ANKHD1: variants seen among roughly 807,000 people sequenced by gnomAD.
ANKHD1 encodes the protein ankyrin repeat and KH domain containing 1.
ANKHD1 carries 31 observed loss-of-function variants against 230.5 expected under a neutral mutation model. That is an observed-to-expected ratio of 0.13 (90% CI 0.10 to 0.18). The LOEUF (loss-of-function observed/expected upper bound fraction) is 0.18. Among genes scored for constraint, ANKHD1 ranks in the 10% least tolerant of loss-of-function variants. The pLI is 1.00. For synonymous variants in ANKHD1, 1,074 were observed against 1,117.6 expected (o/e 0.96, Z 0.78); for missense variants, 2,256 against 3,071.3 (o/e 0.73, Z 6.27).
intron 10 of ANKHD1, among the ~76,000 whole-genome samples, chr5:140,467,119 G>A (rs1050857133): frequency 1.3e-5 from 2 of 151,774 alleles, no homozygotes; most frequent in African/African-American, 4.8e-5. Flanking sequence ...GTGTTCTTGT[G>A]TTCTATCATA....
Position 140,459,275 on chromosome 5 carries a change from T to G in ANKHD1, c.1592T>G (p.Ile531Arg), listed in dbSNP as rs148310046. ...ADFLIKAGAD[I>R]ELGCSTPLME... is the part of the protein sequence containing the mutation. ...TTTCTTATTAAGGCAGGGGCTGATA[T>G]AGAACTTGGCTGCTCCACACCTCTG... The change falls in exon 9 of 34, where the codon ATA (isoleucine) becomes AGA (arginine). Residue 531 changes from isoleucine to arginine, a missense_variant. This residue lies in a region of ANKHD1 where 179 missense variants were observed against 261.8 expected (regional missense o/e 0.68). Coordinates refer to ENST00000360839, the MANE Select transcript of ANKHD1 (RefSeq NM_017747.3). 3 of 1,603,354 alleles carry G rather than the reference T, an allele frequency of 1.9e-6. No homozygotes were observed. The highest frequency in any genetic ancestry group is 2.6e-6 in the Non-Finnish European group (3 of 1,172,530).
chr5:140,457,408 T>C (rs994880282), intron 7 of ANKHD1, among the ~76,000 whole-genome samples: 97 of 152,342 alleles, frequency 6.4e-4, no homozygotes, highest in Non-Finnish European at 1.1e-3. Flanking sequence ...TGCACACATA[T>C]GTTTATTGCG....
At position 140,497,877 on chromosome 5, in the gene ANKHD1, CCACACACACACACA is replaced by C. The variant is rs36224738; in HGVS notation, c.3004+630_3004+643del. Among the ~76,000 whole-genome samples, 278 of 144,598 alleles carry C rather than the reference CCACACACACACACA, an allele frequency of 1.9e-3. 3 individuals carry two copies. The highest frequency in any genetic ancestry group is 7.6e-3 in the South Asian group (34 of 4,502). The allele number at this position is 144,598 out of a possible 152,430, so 94.9% of individuals were successfully genotyped here. ...AATGAAAGCACACAACCACACCACA[CCACACACACACACA>C]CACACACACACACACACACACACAC... On this transcript the variant is annotated intron_variant, in intron 15 of 33. Coordinates refer to ENST00000360839, the MANE Select transcript of ANKHD1 (RefSeq NM_017747.3).
chr5:140,426,809 G>A (rs1185133492), intron 1 of ANKHD1, among the ~76,000 whole-genome samples: 1 of 152,216 alleles, frequency 6.6e-6, no homozygotes, highest in African/African-American at 2.4e-5. Context: ...TACAGCACAT[G>A]TTTCAGAGAG....
At chr5:140,526,594 C>A in intron 26 of ANKHD1, 151 bp downstream of exon 26, 1 of 1,103,410 alleles carries the variant, frequency 9.1e-7, no homozygotes, top group Non-Finnish European at 1.2e-6. Flanking sequence ...CTGAAATTCA[C>A]CCATGTCCTC....
At chr5:140,476,625 CAT>C (rs1224389178) in intron 10 of ANKHD1, among the ~76,000 whole-genome samples, 1 of 151,926 alleles carries the variant, frequency 6.6e-6, no homozygotes, top group African/African-American at 2.4e-5. Context: ...AAAAAATAAA[CAT>C]ATTTTCAAAT....
chr5:140,511,932 G>A (rs1752788681), intron 22 of ANKHD1, among the ~76,000 whole-genome samples: 1 of 152,086 alleles, frequency 6.6e-6, no homozygotes, highest in Admixed American at 6.6e-5. Flanking sequence ...TGCAAGCTTG[G>A]TTACATTAAA....
intron 5 of ANKHD1, among the ~76,000 whole-genome samples, chr5:140,443,869 A>T (rs1003334136): frequency 2.0e-5 from 3 of 152,144 alleles, no homozygotes; most frequent in Non-Finnish European, 4.4e-5. Flanking sequence ...CAGATAAAAG[A>T]GGAGTTGATC....
rs6890051 is a variant in ANKHD1 at position 140,506,535 on chromosome 5, C to G, written c.3409-300C>G. ...AATTATCTTAATCCTTACATTTATTCGGATTGAATGAATCACAATTCTAAC... is the reference window on the plus strand; with the variant it reads ...AATTATCTTAATCCTTACATTTATTGGGATTGAATGAATCACAATTCTAAC... On this transcript the variant is annotated intron_variant, in intron 18 of 33. Coordinates refer to ENST00000360839, the MANE Select transcript of ANKHD1 (RefSeq NM_017747.3). This position sits in a 1 kb window ranked among gnomAD's most constrained non-coding sequence, Gnocchi z 4.7. Among the ~76,000 whole-genome samples the G allele has an allele frequency of 0.02, 3,039 of 152,198 alleles. 106 individuals are homozygous for G. The highest frequency in any genetic ancestry group is 0.069 in the African/African-American group (2,883 of 41,516).
chr5:140,500,648 CAAAAAAAAA>C (rs376975917), intron 15 of ANKHD1, among the ~76,000 whole-genome samples: 2 of 78,746 alleles, frequency 2.5e-5, no homozygotes, highest in African/African-American at 9.6e-5. Context: ...GACTCTGTCT[CAAAAAAAAA>C]AAAAAAAAAA....
chr5:140,468,325 A>G lies in ANKHD1; in HGVS notation c.1782+3549A>G, dbSNP rs542954147. 5.3e-5 allele frequency among the ~76,000 whole-genome samples: 8 copies of G among 152,002 alleles called. No individual in the cohort carries two copies. In the South Asian group the frequency reaches 1.7e-3, roughly 31 times the overall value. Reference sequence around the variant, plus strand: ...TAGTTTATCACTGACTTACCTCTGTAACCATAAAGTAAGCCCTCTGACCTT... The same window carrying G: ...TAGTTTATCACTGACTTACCTCTGTGACCATAAAGTAAGCCCTCTGACCTT... On this transcript the variant is annotated intron_variant, in intron 10 of 33. Coordinates refer to ENST00000360839, the MANE Select transcript of ANKHD1 (RefSeq NM_017747.3).
chr5:140,484,566 G>A (rs1210501567), intron 11 of ANKHD1, among the ~76,000 whole-genome samples: 1 of 152,004 alleles, frequency 6.6e-6, no homozygotes, highest in African/African-American at 2.4e-5. Flanking sequence ...TTGAGACCTG[G>A]CTATATTGCC....
chr5:140,443,583 C>T (rs555887409), intron 5 of ANKHD1, among the ~76,000 whole-genome samples: 21 of 150,734 alleles, frequency 1.4e-4, no homozygotes, highest in Middle Eastern at 3.4e-3. Flanking sequence ...CCCAGCTACT[C>T]GGGAGGCTGA....
chr5:140,505,856 G>A lies in ANKHD1; in HGVS notation c.3395G>A (p.Gly1132Asp). 6.3e-7 allele frequency: 1 copy of A among 1,592,748 alleles called. No individual in the cohort carries two copies. The highest frequency in any genetic ancestry group is 8.5e-7 in the Non-Finnish European group (1 of 1,173,796). The change falls in exon 18 of 34, where the codon GGT becomes GAT. Residue 1132 changes from glycine to aspartate, a missense_variant. This residue lies in a region of ANKHD1 where 63 missense variants were observed against 125.5 expected (regional missense o/e 0.50). Coordinates refer to ENST00000360839, the MANE Select transcript of ANKHD1 (RefSeq NM_017747.3). ...KDTPLSLACSGGRQEVVDLLL... is the reference protein window; with the variant it reads ...KDTPLSLACSDGRQEVVDLLL... Reference sequence around the variant, plus strand: ...ACTCCGCTTTCATTGGCATGTTCTGGTGGACGTCAGGAGGTGTGTTAATGT... The same window carrying A: ...ACTCCGCTTTCATTGGCATGTTCTGATGGACGTCAGGAGGTGTGTTAATGT...
intron 1 of ANKHD1, among the ~76,000 whole-genome samples, chr5:140,413,707 A>G (rs1470425706): frequency 2.0e-5 from 3 of 151,984 alleles, no homozygotes; most frequent in African/African-American, 4.8e-5. Flanking sequence ...GTGTATATGT[A>G]TGTGTGTGTG....
chr5:140,445,892 G>T lies in ANKHD1; in HGVS notation c.1064G>T (p.Arg355Ile). Residue 355 changes from arginine (R) to isoleucine (I), a missense_variant, in exon 6 of 34, where the codon AGA (arginine) becomes ATA (isoleucine). Transcript: ENST00000360839. Reference protein sequence around the residue: ...AASAGHVEVARVLLDHGAGIN... With the variant: ...AASAGHVEVAIVLLDHGAGIN... ...AGTGCAGGTCATGTGGAAGTTGCAAGAGTTCTTTTAGATCATGGTGCAGGC... is the reference window on the plus strand; with the variant it reads ...AGTGCAGGTCATGTGGAAGTTGCAATAGTTCTTTTAGATCATGGTGCAGGC... 1 of 1,613,684 alleles carries T rather than the reference G, an allele frequency of 6.2e-7. No homozygotes were observed. The highest frequency in any genetic ancestry group is 8.5e-7 in the Non-Finnish European group (1 of 1,179,724).
chr5:140,516,373 G>A (rs1481676148), intron 24 of ANKHD1, among the ~76,000 whole-genome samples: 1 of 152,148 alleles, frequency 6.6e-6, no homozygotes, highest in Admixed American at 6.5e-5. Flanking sequence ...AAACACTGCA[G>A]GATATTATCC....
rs750182764 is a variant in ANKHD1 at position 140,507,218 on chromosome 5, G to A, written c.3551+241G>A. The stretch of plus-strand genomic sequence containing the variant: ...TGTTCTATGGCCTACCACCCTAAAC[G>A]TGCCCAATCTCATCTGATCTCAGAA... On this transcript the variant is annotated intron_variant, in intron 19 of 33. Transcript: ENST00000360839. This position sits in a 1 kb window ranked among gnomAD's most constrained non-coding sequence, Gnocchi z 4.1. 3.2e-4 allele frequency among the ~76,000 whole-genome samples: 49 copies of A among 152,142 alleles called. No individual in the cohort carries two copies. The highest frequency in any genetic ancestry group is 4.9e-4 in the Non-Finnish European group (33 of 68,028).
Position 140,496,837 on chromosome 5 carries a change from AAAG to A in ANKHD1, c.2566_2568del (p.Glu856del). 6.2e-7 allele frequency: 1 copy of A among 1,614,152 alleles called. No individual in the cohort carries two copies. The highest frequency in any genetic ancestry group is 8.5e-7 in the Non-Finnish European group (1 of 1,180,020). On this transcript the variant is annotated inframe_deletion, in exon 15 of 34. Coordinates refer to ENST00000360839, the MANE Select transcript of ANKHD1 (RefSeq NM_017747.3). ...GATGAAAACACAGCAGCAATTTACC[AAAG>A]AATACTTGGAAACCAAAGGTCAGAA...
Sources: allele counts gnomAD v4.1 joint callset (sites outside exome capture counted in the v4.1 genomes callset), GRCh38; gene constraint gnomAD v4.1.1; regional missense constraint gnomAD v4.1.1; non-coding constraint Gnocchi (gnomAD v3.1); transcripts MANE v1.5; gene names NCBI Gene and HGNC (gene_info 2026-07-23, HGNC 2026-07-21).